TENM3: variants seen among roughly 807,000 people sequenced by gnomAD.
TENM3 encodes teneurin-3.
TENM3 carries 63 observed loss-of-function variants against 255.1 expected under a neutral mutation model. The ratio of observed to expected loss-of-function variants is 0.25; its 90% CI spans 0.20 to 0.30. TENM3 has a LOEUF of 0.30. Among genes scored for constraint, TENM3 ranks in the 10% least tolerant of loss-of-function variants. TENM3 has a pLI of 1.00. For missense variants in TENM3, 2,929 were observed against 3,461.1 expected, an observed-to-expected ratio of 0.85 and a Z score of 3.86; for synonymous variants, 1,306 against 1,322.3, an observed-to-expected ratio of 0.99 and a Z score of 0.27.
chr4:182,217,796 T>G (rs1478352571), intron 1 of TENM3, among the ~76,000 whole-genome samples: 1 of 152,246 alleles, frequency 6.6e-6, no homozygotes, highest in Non-Finnish European at 1.5e-5. Context: ...TCTCTTTTAA[T>G]TATTCTTGAT....
At chr4:181,866,203 T>G in the TENM3 span, among the ~76,000 whole-genome samples, 1 of 152,218 alleles carries the variant, frequency 6.6e-6, no homozygotes, top group Non-Finnish European at 1.5e-5. Context: ...TAACGTGCTA[T>G]TTCTATCTTC....
intron 3 of TENM3, among the ~76,000 whole-genome samples, chr4:182,395,183 G>A (rs1768721767): frequency 6.6e-6 from 1 of 152,150 alleles, no homozygotes; most frequent in African/African-American, 2.4e-5. Flanking sequence ...ATTTGTCCCT[G>A]ATATGACACT....
chr4:182,372,827 C>T (rs1262571716), intron 3 of TENM3, among the ~76,000 whole-genome samples: 3 of 152,220 alleles, frequency 2.0e-5, no homozygotes, highest in Non-Finnish European at 4.4e-5. Flanking sequence ...CTCCCAGGCT[C>T]AACTGATCCT....
At chr4:181,853,146 T>C in the TENM3 span, among the ~76,000 whole-genome samples, 3 of 152,218 alleles carry the variant, frequency 2.0e-5, no homozygotes, top group Non-Finnish European at 2.9e-5. Flanking sequence ...AACTGAAGTT[T>C]GTGTACTCAA....
the TENM3 span, among the ~76,000 whole-genome samples, chr4:182,045,935 C>T: frequency 2.6e-5 from 4 of 152,112 alleles, no homozygotes; most frequent in Non-Finnish European, 5.9e-5. Context: ...GTAGTCCCAG[C>T]TGCTTGGGAG....
In TENM3 at chr4:182,621,667, AT is replaced by A. The variant is rs1750189563; in HGVS notation, c.750-6982del. ...ATACATATTATAATATATAATATGT[AT>A]TATATATATAAAATATATAATATAT... On this transcript the variant is annotated intron_variant, in intron 4 of 27. Coordinates refer to ENST00000511685, the MANE Select transcript of TENM3 (RefSeq NM_001080477.4). Among the ~76,000 whole-genome samples the A allele has an allele frequency of 1.0e-4, 4 of 38,904 alleles. No homozygotes were observed. The South Asian group carries it at 3.8e-3, about 37-fold the overall frequency. 25.5% of individuals were successfully genotyped at this position (38,904 alleles called of 152,430 possible). A position where few individuals can be genotyped will look rare whatever the true frequency, so the allele number is the denominator to read the frequency against.
At chr4:182,492,618 C>T (rs1735410150) in intron 3 of TENM3, among the ~76,000 whole-genome samples, 1 of 152,122 alleles carries the variant, frequency 6.6e-6, no homozygotes, top group Admixed American at 6.6e-5. Flanking sequence ...TTTAGAAATA[C>T]TGTAGTAGCT....
chr4:181,661,456 G>A, the TENM3 span, among the ~76,000 whole-genome samples: 3 of 152,082 alleles, frequency 2.0e-5, no homozygotes, highest in Non-Finnish European at 4.4e-5. Context: ...AAAACACCCT[G>A]TTTCCCCTAG....
the TENM3 span, chr4:181,820,261 A>G: frequency 1.3e-5 from 2 of 152,148 alleles, no homozygotes; most frequent in African/African-American, 2.4e-5. Context: ...TGTTCAAGTA[A>G]TTTATTTCCT....
chr4:182,606,755 A>G (rs556167227), intron 4 of TENM3, among the ~76,000 whole-genome samples: 1 of 152,294 alleles, frequency 6.6e-6, no homozygotes, highest in Non-Finnish European at 1.5e-5. Flanking sequence ...GATTATTATT[A>G]ACCACTTGTA....
At chr4:181,846,900 T>C in the TENM3 span, among the ~76,000 whole-genome samples, 1 of 152,352 alleles carries the variant, frequency 6.6e-6, no homozygotes, top group South Asian at 2.1e-4. Flanking sequence ...TGTGTACAAA[T>C]GCATTTAAAT....
the TENM3 span, among the ~76,000 whole-genome samples, chr4:182,126,283 A>G: frequency 6.6e-6 from 1 of 152,178 alleles, no homozygotes; most frequent in Non-Finnish European, 1.5e-5. Flanking sequence ...TAGATCCCAG[A>G]GATGTACAAA....
At chr4:181,464,060 C>A in the TENM3 span, among the ~76,000 whole-genome samples, 1 of 152,262 alleles carries the variant, frequency 6.6e-6, no homozygotes, top group Non-Finnish European at 1.5e-5. Context: ...ATTTGATGGA[C>A]AGTTGAGTTG....
At chr4:182,515,117 A>G (rs943780513) in intron 3 of TENM3, among the ~76,000 whole-genome samples, 1 of 152,208 alleles carries the variant, frequency 6.6e-6, no homozygotes, top group Non-Finnish European at 1.5e-5. Context: ...TGAAAAAGCA[A>G]TTTCAGTAGT....
At chr4:181,846,347 A>T in the TENM3 span, among the ~76,000 whole-genome samples, 1 of 152,206 alleles carries the variant, frequency 6.6e-6, no homozygotes, top group African/African-American at 2.4e-5. Flanking sequence ...CTGAAGGAGA[A>T]AAAACTTCTA....
At chr4:181,503,263 G>A in the TENM3 span, among the ~76,000 whole-genome samples, 4 of 152,166 alleles carry the variant, frequency 2.6e-5, no homozygotes, top group African/African-American at 9.7e-5. Context: ...CTACTCAGGA[G>A]GCTGAGGTGG....
chr4:181,636,371 T>C, the TENM3 span, among the ~76,000 whole-genome samples: 1 of 152,152 alleles, frequency 6.6e-6, no homozygotes, highest in Non-Finnish European at 1.5e-5. Context: ...CTTCAGCTGA[T>C]TGGAAGAAGC....
At chr4:181,863,476 G>A in the TENM3 span, among the ~76,000 whole-genome samples, 2 of 152,152 alleles carry the variant, frequency 1.3e-5, no homozygotes, top group Non-Finnish European at 2.9e-5. Context: ...TTCTAGTAAT[G>A]TTAGGTAAAA....
intron 1 of TENM3, among the ~76,000 whole-genome samples, chr4:182,223,488 A>C (rs922604846): frequency 1.8e-4 from 27 of 152,334 alleles, no homozygotes; most frequent in Non-Finnish European, 3.4e-4. Flanking sequence ...AGTTGATAAT[A>C]ATATGAATAA....
Sources: gnomAD v4.1 joint callset for allele counts (sites outside exome capture counted in the v4.1 genomes callset) on GRCh38, gnomAD v4.1.1 for gene constraint, MANE v1.5 for transcripts, NCBI Gene and HGNC (gene_info 2026-07-23, HGNC 2026-07-21) for gene names.